The following FAM162B variants were observed in gnomAD, a reference collection of about 807,000 sequenced individuals.
FAM162B encodes the protein protein FAM162B.
FAM162B carries 16 observed loss-of-function variants against 20.0 expected under a neutral mutation model. That is an observed-to-expected ratio of 0.80 (90% CI 0.54 to 1.21). The LOEUF (loss-of-function observed/expected upper bound fraction) is 1.21, where lower values mean the gene tolerates loss of function less well. FAM162B is among the 50% of genes most tolerant of loss of function. The pLI, the probability that FAM162B is intolerant of heterozygous loss-of-function variation, is 0.00. For synonymous variants in FAM162B, 83 were observed against 89.7 expected (o/e 0.93, Z 0.42); for missense variants, 260 against 227.5 (o/e 1.14, Z -0.92).
At chr6:116,757,738 C>A (rs1780068653) in intron 3 of FAM162B, among the ~76,000 whole-genome samples, 1 of 148,372 alleles carries the variant, frequency 6.7e-6, no homozygotes, top group African/African-American at 2.5e-5. Flanking sequence ...GAGAGTGAGA[C>A]CCTGTCCTCC....
intron 3 of FAM162B, among the ~76,000 whole-genome samples, chr6:116,760,687 A>G (rs72962089): frequency 0.013 from 1,917 of 152,324 alleles, 21 homozygotes; most frequent in Non-Finnish European, 0.02. Flanking sequence ...AAAGTTATTT[A>G]TTTACATGCT....
chr6:116,765,146 C>A lies in FAM162B; in HGVS notation c.281+1G>T, dbSNP rs199926099. 316 of 1,612,992 alleles carry A rather than the reference C, an allele frequency of 2.0e-4. 2 individuals carry two copies. The African/African-American group carries it at 3.7e-3, about 19-fold the overall frequency. On this transcript the variant is annotated splice_donor_variant, in intron 2 of 3. Transcript: ENST00000368557. LOFTEE classifies it high-confidence loss of function. ...CTTCGCGCGGCGGTCGCCACACTTA[C>A]GGGATCCGAGGCGGGATCTCCTCCA...
At chr6:116,760,762 A>AT (rs1183268101) in intron 3 of FAM162B, among the ~76,000 whole-genome samples, 6 of 152,266 alleles carry the variant, frequency 3.9e-5, no homozygotes, top group East Asian at 1.9e-4. Flanking sequence ...CAAAGCATAG[A>AT]TTTTTTCCAT....
chr6:116,762,548 T>C (rs972291728), intron 2 of FAM162B, among the ~76,000 whole-genome samples: 1 of 152,066 alleles, frequency 6.6e-6, no homozygotes, highest in Non-Finnish European at 1.5e-5. Context: ...CCCAATCTCT[T>C]GTCCCTTCAC....
In FAM162B at chr6:116,765,606, A is replaced by T. The variant is rs1771901079; in HGVS notation, c.-30T>A. 7.8e-7 allele frequency: 1 copy of T among 1,288,146 alleles called. No homozygotes were observed. 79.8% of individuals were successfully genotyped at this position (1,288,146 alleles called of 1,614,324 possible). On this transcript the variant is annotated 5_prime_UTR_variant, in exon 1 of 4. Transcript: ENST00000368557. ...CCCGCTTGTCCCGCGCCGCACCCGC[A>T]CCTCCGGACCCAGCCACAGGCGTTG...
chr6:116,757,446 A>G (rs929614850), intron 3 of FAM162B, among the ~76,000 whole-genome samples: 1 of 152,166 alleles, frequency 6.6e-6, no homozygotes, highest in Non-Finnish European at 1.5e-5. Flanking sequence ...GTCATTCACA[A>G]ACAAAGTACA....
chr6:116,754,716 A>G (rs1780034849), intron 3 of FAM162B, among the ~76,000 whole-genome samples: 1 of 151,968 alleles, frequency 6.6e-6, no homozygotes, highest in Non-Finnish European at 1.5e-5. Flanking sequence ...TTTTTTTCAA[A>G]TTGAAGGTTT....
chr6:116,765,477 C>A lies in FAM162B; in HGVS notation c.100G>T (p.Ala34Ser). Residue 34 changes from alanine to serine, a missense_variant, in exon 1 of 4, where the codon GCT becomes TCT. By Grantham distance (99) the Ala-to-Ser change is moderately conservative. Coordinates refer to ENST00000368557, the MANE Select transcript of FAM162B (RefSeq NM_001085480.3). Reference sequence around the variant, plus strand: ...CAGGGGAGACCCCGGGGCGGAAGAGCCGGTGCGGGCCGTCGCGTGGCCTCG... The same window carrying A: ...CAGGGGAGACCCCGGGGCGGAAGAGACGGTGCGGGCCGTCGCGTGGCCTCG... Reference protein sequence around the residue: ...PLEATRRPAPALPPRGLPCYS... With the variant: ...PLEATRRPAPSLPPRGLPCYS... 7.1e-7 allele frequency: 1 copy of A among 1,412,770 alleles called. No homozygotes were observed. Among genetic ancestry groups the A allele is most frequent in the Non-Finnish European group, 9.2e-7 (1 of 1,087,636 alleles). 87.5% of individuals were successfully genotyped at this position (1,412,770 alleles called of 1,614,324 possible). A position where few individuals can be genotyped will look rare whatever the true frequency, so the allele number is the denominator to read the frequency against.
intron 3 of FAM162B, among the ~76,000 whole-genome samples, chr6:116,759,509 G>A (rs1277346066): frequency 6.6e-6 from 1 of 151,476 alleles, no homozygotes; most frequent in East Asian, 1.9e-4. Context: ...GAGCTTCACC[G>A]TGTTAGCCAG....
At chr6:116,763,050 T>G (rs1771824220) in intron 2 of FAM162B, among the ~76,000 whole-genome samples, 1 of 152,108 alleles carries the variant, frequency 6.6e-6, no homozygotes, top group African/African-American at 2.4e-5. Context: ...ACTTTTTAAA[T>G]TTTCCACTGG....
rs770518037 is a variant in FAM162B at position 116,765,429 on chromosome 6, T to C, written c.148A>G (p.Ser50Gly). ...CCGTGACCTTGGGGCCCAGAATTGC[T>C]GGGGGCCCCGCCGCTGGAGTAGCAG... The part of the protein sequence containing the change: ...LPCYSSGGAP[S>G]NSGPQGHGEI... The change falls in exon 1 of 4, where the codon AGC becomes GGC. Residue 50 changes from serine to glycine, a missense_variant. Ser to Gly is a moderately conservative substitution (Grantham distance 56). Coordinates refer to ENST00000368557, the MANE Select transcript of FAM162B (RefSeq NM_001085480.3). The C allele has an allele frequency of 1.9e-5, 27 of 1,443,112 alleles. No individual in the cohort carries two copies. The highest frequency in any genetic ancestry group is 2.4e-5 in the Non-Finnish European group (26 of 1,097,038). The allele number at this position is 1,443,112 out of a possible 1,614,324, so 89.4% of individuals were successfully genotyped here. A position where few individuals can be genotyped will look rare whatever the true frequency, so the allele number is the denominator to read the frequency against.
rs1771791140 is a variant in FAM162B at position 116,762,000 on chromosome 6, C to G, written c.367G>C (p.Ala123Pro). The G allele has an allele frequency of 6.2e-7, 1 of 1,601,942 alleles. No homozygotes were observed. Among genetic ancestry groups the G allele is most frequent in the Non-Finnish European group, 8.5e-7 (1 of 1,170,942 alleles). The change falls in exon 3 of 4, where the codon GCT (alanine) becomes CCT (proline). Residue 123 changes from alanine to proline, a missense_variant. Ala to Pro is a conservative substitution (Grantham distance 27). Coordinates refer to ENST00000368557, the MANE Select transcript of FAM162B (RefSeq NM_001085480.3). The stretch of plus-strand genomic sequence containing the variant: ...ACCCTTTTGGCTGACACTATCACAG[C>G]AAAGCAGGCGATAATTGTGAGTCCA... Reference protein sequence around the residue: ...MIGLTIIACFAVIVSAKRAVE... With the variant: ...MIGLTIIACFPVIVSAKRAVE...
At chr6:116,764,150 C>A (rs960553631) in intron 2 of FAM162B, among the ~76,000 whole-genome samples, 7 of 152,070 alleles carry the variant, frequency 4.6e-5, no homozygotes, top group African/African-American at 1.7e-4. Context: ...TGATAAACTG[C>A]AATTGTTTAT....
chr6:116,755,068 A>G (rs1297787243), intron 3 of FAM162B, among the ~76,000 whole-genome samples: 1 of 152,180 alleles, frequency 6.6e-6, no homozygotes, highest in Non-Finnish European at 1.5e-5. Flanking sequence ...TAATAACCCT[A>G]TAATGGCCTC....
Position 116,765,649 on chromosome 6 carries a change from G to C in FAM162B, c.-73C>G, listed in dbSNP as rs1771902512. On this transcript the variant is annotated 5_prime_UTR_variant, in exon 1 of 4. Coordinates refer to ENST00000368557, the MANE Select transcript of FAM162B (RefSeq NM_001085480.3). ...AGGCGTTGTCCCCGCAGCTCTCCTC[G>C]TCCCGCCCCGGCCTGCCGCGCGCTG... 7 of 1,247,204 alleles carry C rather than the reference G, an allele frequency of 5.6e-6. No homozygotes were observed. Among genetic ancestry groups the C allele is most frequent in the Admixed American group, 4.2e-5 (1 of 23,856 alleles). The allele number at this position is 1,247,204 out of a possible 1,614,324, so 77.3% of individuals were successfully genotyped here.
intron 3 of FAM162B, 55 bp downstream of exon 3, chr6:116,761,922 T>C: frequency 1.5e-6 from 2 of 1,327,882 alleles, no homozygotes; most frequent in Non-Finnish European, 2.1e-6. Flanking sequence ...AGGGAGGTAC[T>C]TAAAAAGAGG....
At chr6:116,759,492 A>G (rs976982274) in intron 3 of FAM162B, among the ~76,000 whole-genome samples, 10 of 150,556 alleles carry the variant, frequency 6.6e-5, no homozygotes, top group African/African-American at 2.4e-4. Context: ...TTTTTTTAGT[A>G]GTGACGGAGC....
Position 116,752,474 on chromosome 6 carries a change from T to C in FAM162B, c.*123A>G, listed in dbSNP as rs1780002323. On this transcript the variant is annotated 3_prime_UTR_variant, in exon 4 of 4. Transcript: ENST00000368557. ...TAAAAAATAAAAATAAAAAAGACAT[T>C]GTGCTTCTTGTTACCAAAATAAAAC... 1 of 411,212 alleles carries C rather than the reference T, an allele frequency of 2.4e-6. No homozygotes were observed. Among genetic ancestry groups the C allele is most frequent in the Non-Finnish European group, 4.4e-6 (1 of 229,550 alleles). 25.5% of individuals were successfully genotyped at this position (411,212 alleles called of 1,614,324 possible).
intron 2 of FAM162B, among the ~76,000 whole-genome samples, chr6:116,762,935 T>G (rs539917235): frequency 2.0e-5 from 3 of 152,106 alleles, no homozygotes; most frequent in Non-Finnish European, 4.4e-5. Context: ...TTATAATATA[T>G]TCATTGGTAT....
Sources: allele counts gnomAD v4.1 joint callset (sites outside exome capture counted in the v4.1 genomes callset), GRCh38; gene constraint gnomAD v4.1.1; transcripts MANE v1.5; gene names NCBI Gene and HGNC (gene_info 2026-07-23, HGNC 2026-07-21).